The following KIN variants were observed in gnomAD, a reference collection of about 807,000 sequenced individuals.
KIN encodes DNA/RNA-binding protein KIN17.
A neutral mutation model predicts 63.0 loss-of-function variants in KIN; 47 were observed. That is an observed-to-expected ratio of 0.75 (90% CI 0.59 to 0.95). The LOEUF (loss-of-function observed/expected upper bound fraction) is 0.95, where lower values mean the gene tolerates loss of function less well. KIN is among the 40% of genes least tolerant of loss of function. KIN has a pLI of 0.00. For missense variants in KIN, 408 were observed against 460.9 expected (o/e 0.89, Z 1.05); for synonymous variants, 160 against 157.7 (o/e 1.01, Z -0.11).
In KIN at chr10:7,787,883, C is replaced by T. The variant is rs766426045; in HGVS notation, c.51G>A (p.Lys17=). Residue 17 remains lysine, a synonymous_variant, in exon 1 of 13, where the codon AAG becomes AAA. Transcript: ENST00000379562. ...LTPKAIANRI[K]SKGLQKLRWY... is the part of the protein sequence containing the mutation. ...AGCGTAGCTTCTGCAGCCCCTTGGA[C>T]TTGATCCTGTTGGCGATAGCCTTGG... 6.2e-7 allele frequency: 1 copy of T among 1,614,250 alleles called. No individual in the cohort carries two copies.
rs200164266 is a variant in KIN at position 7,769,211 on chromosome 10, T to C, written c.798+5A>G. ...AGGTGTCCACACGCAATCCATAAACTGTACCTCCATGATTTCATCCAGTGC... is the reference window on the plus strand; with the variant it reads ...AGGTGTCCACACGCAATCCATAAACCGTACCTCCATGATTTCATCCAGTGC... On this transcript the variant is annotated splice_donor_5th_base_variant and intron_variant, in intron 8 of 12. Transcript: ENST00000379562. 7 of 1,608,170 alleles carry C rather than the reference T, an allele frequency of 4.4e-6. No individual in the cohort carries two copies. Among genetic ancestry groups the C allele is most frequent in the Non-Finnish European group, 5.9e-6 (7 of 1,178,326 alleles).
intron 8 of KIN, among the ~76,000 whole-genome samples, chr10:7,767,865 C>CAA (rs59238687): frequency 5.9e-4 from 41 of 69,032 alleles, no homozygotes; most frequent in African/African-American, 1.6e-3. Context: ...GACTCCGTCT[C>CAA]AAAAAAAAAA....
At chr10:7,781,689 C>A (rs974488832) in intron 2 of KIN, among the ~76,000 whole-genome samples, 4 of 145,586 alleles carry the variant, frequency 2.7e-5, no homozygotes, top group African/African-American at 1.0e-4. Flanking sequence ...AGGAGGATCG[C>A]CTGAGCCCAG....
At position 7,762,561 on chromosome 10, in the gene KIN, C is replaced by A. The variant is rs183655911; in HGVS notation, c.919-5G>T. 5.8e-6 allele frequency: 9 copies of A among 1,554,196 alleles called. No homozygotes were observed. The highest frequency in any genetic ancestry group is 7.1e-6 in the Non-Finnish European group (8 of 1,129,758). ...TGTATATTTGTCAATTACTTCCTGT[C>A]ATGTAAAATGAACACTTTTATAATA... is the stretch of plus-strand genomic sequence containing the variant. On this transcript the variant is annotated splice_region_variant and splice_polypyrimidine_tract_variant and intron_variant, in intron 10 of 12. Coordinates refer to ENST00000379562, the MANE Select transcript of KIN (RefSeq NM_012311.4).
chr10:7,777,328 T>C (rs1192067796), intron 5 of KIN, among the ~76,000 whole-genome samples: 4 of 151,894 alleles, frequency 2.6e-5, no homozygotes, highest in African/African-American at 9.7e-5. Context: ...TGGTTATGTC[T>C]GGGAGATGGG....
At chr10:7,778,468 C>T (rs540086716) in intron 5 of KIN, among the ~76,000 whole-genome samples, 39 of 152,192 alleles carry the variant, frequency 2.6e-4, no homozygotes, top group African/African-American at 7.2e-4. Flanking sequence ...TGGCTGGGCA[C>T]GGTGGCTCAC....
At chr10:7,783,832 A>G (rs1835946520) in intron 1 of KIN, among the ~76,000 whole-genome samples, 1 of 152,076 alleles carries the variant, frequency 6.6e-6, no homozygotes, top group Non-Finnish European at 1.5e-5. Flanking sequence ...GAAACCAGAC[A>G]ACATCCTAGA....
At chr10:7,765,558 T>A (rs982810821) in intron 9 of KIN, among the ~76,000 whole-genome samples, 20 of 152,234 alleles carry the variant, frequency 1.3e-4, no homozygotes, top group Admixed American at 2.0e-4. Context: ...AAACTATTTT[T>A]AAATTATTTT....
intron 5 of KIN, among the ~76,000 whole-genome samples, chr10:7,776,489 C>T (rs919558109): frequency 6.6e-6 from 1 of 150,996 alleles, no homozygotes; most frequent in African/African-American, 2.4e-5. Flanking sequence ...CTGCAGTGAG[C>T]GGAGATCGTG....
rs1564311786 is a variant in KIN, at chr10:7,754,466, C to T, written c.*1614G>A. ...TGGCCAACATGGTGAAACCTCATCT[C>T]TTCTAAAATTACAAAAATTAGCTGG... On this transcript the variant is annotated 3_prime_UTR_variant, in exon 13 of 13. Transcript: ENST00000379562. 1 of 159,138 alleles carries T rather than the reference C, an allele frequency of 6.3e-6. No homozygotes were observed. Among genetic ancestry groups the T allele is most frequent in the Non-Finnish European group, 1.4e-5 (1 of 73,204 alleles). 9.9% of individuals were successfully genotyped at this position (159,138 alleles called of 1,614,324 possible).
intron 8 of KIN, among the ~76,000 whole-genome samples, chr10:7,767,913 A>G (rs966217472): frequency 6.6e-6 from 1 of 151,762 alleles, no homozygotes; most frequent in African/African-American, 2.4e-5. Flanking sequence ...ATCCCTTCAC[A>G]ATGAAGACGA....
chr10:7,785,813 GA>G (rs68002439), intron 1 of KIN, among the ~76,000 whole-genome samples: 2,629 of 135,414 alleles, frequency 0.019, 77 homozygotes, highest in African/African-American at 0.07. Context: ...ACTCTGTCTA[GA>G]AAAAAAAAAA....
chr10:7,786,172 A>G (rs1564327098), intron 1 of KIN, among the ~76,000 whole-genome samples: 2 of 152,204 alleles, frequency 1.3e-5, no homozygotes, highest in Admixed American at 6.5e-5. Flanking sequence ...AACCAAACCT[A>G]TAACAGTCTA....
At chr10:7,779,119 C>G in intron 4 of KIN, 100 bp from the exon 5 acceptor site, 1 of 1,352,198 alleles carries the variant, frequency 7.4e-7, no homozygotes, top group Non-Finnish European at 1.0e-6. Flanking sequence ...CAAACACACA[C>G]AAATCAGGCC....
In KIN at chr10:7,769,118, A is replaced by C. The variant is rs75007562; in HGVS notation, c.798+98T>G. The stretch of plus-strand genomic sequence containing the variant: ...TAGGTCACTATTCCCTAGTCCGTAC[A>C]TGATAATTTTCCTAATTTTCTATTA... On this transcript the variant is annotated intron_variant, in intron 8 of 12. Coordinates refer to ENST00000379562, the MANE Select transcript of KIN (RefSeq NM_012311.4). 13,955 of 1,170,550 alleles carry C rather than the reference A, an allele frequency of 0.012. 122 individuals carry two copies. Among genetic ancestry groups the C allele is most frequent in the Non-Finnish European group, 0.014 (11,257 of 832,068 alleles). 72.5% of individuals were successfully genotyped at this position (1,170,550 alleles called of 1,614,324 possible).
At chr10:7,766,749 C>T (rs901263219) in intron 8 of KIN, among the ~76,000 whole-genome samples, 4 of 152,066 alleles carry the variant, frequency 2.6e-5, no homozygotes, top group Admixed American at 6.6e-5. Flanking sequence ...TTAGGCTGGG[C>T]GCGGTGGCTT....
intron 9 of KIN, among the ~76,000 whole-genome samples, chr10:7,765,033 C>A (rs1254412492): frequency 2.6e-5 from 4 of 152,062 alleles, no homozygotes; most frequent in Non-Finnish European, 4.4e-5. Flanking sequence ...GTGGCCCATG[C>A]CTGTAATCTC....
intron 9 of KIN, among the ~76,000 whole-genome samples, chr10:7,765,159 CAAAAA>C (rs35343111): frequency 4.3e-5 from 4 of 93,304 alleles, no homozygotes; most frequent in Admixed American, 3.6e-4. Context: ...AACTCCATCT[CAAAAA>C]AAAAAAAAAA....
chr10:7,773,535 T>C (rs1835708043), intron 7 of KIN, among the ~76,000 whole-genome samples: 1 of 152,214 alleles, frequency 6.6e-6, no homozygotes, highest in African/African-American at 2.4e-5. Context: ...AGAACCCAAA[T>C]AACCAACTTC....
Sources: allele counts gnomAD v4.1 joint callset (sites outside exome capture counted in the v4.1 genomes callset), GRCh38; gene constraint gnomAD v4.1.1; transcripts MANE v1.5; gene names NCBI Gene and HGNC (gene_info 2026-07-23, HGNC 2026-07-21).